MARCHF5: variants seen among roughly 807,000 people sequenced by gnomAD.
MARCHF5 encodes membrane associated ring-CH-type finger 5, also known as E3 ubiquitin-protein ligase MARCHF5.
In MARCHF5, 5 loss-of-function variants were observed where a neutral mutation model predicts 36.5. The observed-to-expected ratio is 0.14, with a 90% CI of 0.07 to 0.29. The LOEUF (loss-of-function observed/expected upper bound fraction) is 0.29, where lower values mean the gene tolerates loss of function less well. MARCHF5 is among the 10% of genes least tolerant of loss of function. The probability of loss-of-function intolerance (pLI) is 1.00; values close to 1 mark genes in which losing one functional copy is unlikely to be tolerated. For missense variants in MARCHF5, 179 were observed against 336.3 expected (o/e 0.53, Z 3.66); for synonymous variants, 103 against 109.9 (o/e 0.94, Z 0.39).
chr10:92,325,910 C>T (rs1277252899), intron 2 of MARCHF5, among the ~76,000 whole-genome samples: 2 of 152,212 alleles, frequency 1.3e-5, no homozygotes, highest in African/African-American at 4.8e-5. Context: ...AACTCCTGAT[C>T]TCCAGTGATC....
rs1564955003 is a variant in MARCHF5, at chr10:92,347,532, T to TAGATAGATAG, written c.370-1816_370-1815insGATAGATAGA. On this transcript the variant is annotated intron_variant, in intron 3 of 5. Coordinates refer to ENST00000358935, the MANE Select transcript of MARCHF5 (RefSeq NM_017824.5). ...TAGATAGATAGATAGATGATAGATA[T>TAGATAGATAG]ATAGATAGATAGATAGATAGATAGA... 4.4e-3 allele frequency among the ~76,000 whole-genome samples: 524 copies of TAGATAGATAG among 119,824 alleles called. 5 individuals carry two copies. The highest frequency in any genetic ancestry group is 9.4e-3 in the East Asian group (40 of 4,258). The allele number at this position is 119,824 out of a possible 152,430, so 78.6% of individuals were successfully genotyped here.
At chr10:92,329,198 G>A (rs1843407883) in intron 2 of MARCHF5, among the ~76,000 whole-genome samples, 1 of 152,142 alleles carries the variant, frequency 6.6e-6, no homozygotes, top group African/African-American at 2.4e-5. Flanking sequence ...TCCTGCCACA[G>A]GTGCTGAATC....
intron 1 of MARCHF5, among the ~76,000 whole-genome samples, chr10:92,303,426 T>C (rs999053112): frequency 2.0e-5 from 3 of 152,230 alleles, no homozygotes; most frequent in Non-Finnish European, 2.9e-5. Flanking sequence ...TTTCCTTTTC[T>C]TGAAACCTCA....
chr10:92,318,426 C>CA (rs397845333), intron 2 of MARCHF5, among the ~76,000 whole-genome samples: 183 of 124,600 alleles, frequency 1.5e-3, no homozygotes, highest in East Asian at 4.5e-3. Flanking sequence ...GACCCTGTCT[C>CA]AAAAAAAAAA....
intron 2 of MARCHF5, among the ~76,000 whole-genome samples, chr10:92,315,573 T>G (rs1035425431): frequency 6.6e-6 from 1 of 152,218 alleles, no homozygotes; most frequent in Non-Finnish European, 1.5e-5. Context: ...CACAATACGG[T>G]GGGAACAAGG....
intron 1 of MARCHF5, among the ~76,000 whole-genome samples, chr10:92,298,041 T>C (rs546207234): frequency 3.9e-5 from 6 of 152,138 alleles, no homozygotes. Flanking sequence ...CTACAAAAAA[T>C]ACAAACATTA....
chr10:92,293,753 G>A (rs1349894163), intron 1 of MARCHF5, among the ~76,000 whole-genome samples: 1 of 151,928 alleles, frequency 6.6e-6, no homozygotes, highest in Non-Finnish European at 1.5e-5. Flanking sequence ...TTGTACTCCA[G>A]CCTGAGTGAC....
At chr10:92,341,890 A>C (rs1161101476) in intron 3 of MARCHF5, among the ~76,000 whole-genome samples, 1 of 146,686 alleles carries the variant, frequency 6.8e-6, no homozygotes, top group Non-Finnish European at 1.5e-5. Context: ...TCCTGGGCTC[A>C]GTCATCTGTC....
intron 2 of MARCHF5, among the ~76,000 whole-genome samples, chr10:92,335,971 G>A (rs1843497594): frequency 6.6e-6 from 1 of 152,238 alleles, no homozygotes; most frequent in Non-Finnish European, 1.5e-5. Flanking sequence ...ATTGAGAGTA[G>A]TAGGAACTTG....
chr10:92,324,394 C>G (rs879617429), intron 2 of MARCHF5, among the ~76,000 whole-genome samples: 4 of 152,170 alleles, frequency 2.6e-5, no homozygotes, highest in Non-Finnish European at 5.9e-5. Flanking sequence ...CGGAGTCTCA[C>G]TCTGTTGCCC....
chr10:92,350,563 A>G (rs1843704268), intron 5 of MARCHF5, among the ~76,000 whole-genome samples: 1 of 152,186 alleles, frequency 6.6e-6, no homozygotes, highest in South Asian at 2.1e-4. Flanking sequence ...GCGAGACTGC[A>G]TCATTTGAAC....
At chr10:92,322,467 C>T in intron 2 of MARCHF5, among the ~76,000 whole-genome samples, 1 of 139,190 alleles carries the variant, frequency 7.2e-6, no homozygotes, top group African/African-American at 2.7e-5. Context: ...TGAGACAGGG[C>T]CTCACTCTGT....
intron 1 of MARCHF5, among the ~76,000 whole-genome samples, chr10:92,298,987 T>C (rs1435852853): frequency 1.3e-5 from 2 of 151,894 alleles, no homozygotes; most frequent in Non-Finnish European, 2.9e-5. Flanking sequence ...TTAAACTTTT[T>C]TTTTTTTGGT....
chr10:92,310,907 A>G (rs1193840779), intron 1 of MARCHF5, among the ~76,000 whole-genome samples: 1 of 152,254 alleles, frequency 6.6e-6, no homozygotes, highest in East Asian at 1.9e-4. Flanking sequence ...ACATAAAAAC[A>G]AAGTTCAGAA....
At chr10:92,300,969 T>C (rs1379328641) in intron 1 of MARCHF5, among the ~76,000 whole-genome samples, 1 of 149,928 alleles carries the variant, frequency 6.7e-6, no homozygotes, top group Non-Finnish European at 1.5e-5. Context: ...CTTGGCTCAC[T>C]GCAGCCTCCG....
At chr10:92,337,031 A>G (rs1346567004) in intron 2 of MARCHF5, among the ~76,000 whole-genome samples, 1 of 151,698 alleles carries the variant, frequency 6.6e-6, no homozygotes, top group Non-Finnish European at 1.5e-5. Flanking sequence ...GCTGAAGCAG[A>G]GGACTGCTTG....
At chr10:92,349,231 C>A (rs1433680594) in intron 3 of MARCHF5, 118 bp from the exon 4 acceptor site, 3 of 756,114 alleles carry the variant, frequency 4.0e-6, no homozygotes, top group Non-Finnish European at 6.2e-6. Context: ...ATTTTTTAAA[C>A]TTTTTATTTC....
chr10:92,296,219 A>G (rs564618539), intron 1 of MARCHF5, among the ~76,000 whole-genome samples: 4 of 152,174 alleles, frequency 2.6e-5, no homozygotes, highest in Non-Finnish European at 4.4e-5. Flanking sequence ...TTTATAAACT[A>G]TAAGTGTTTT....
At chr10:92,309,617 G>A (rs1177662236) in intron 1 of MARCHF5, among the ~76,000 whole-genome samples, 2 of 151,834 alleles carry the variant, frequency 1.3e-5, no homozygotes, top group Non-Finnish European at 2.9e-5. Context: ...TCAGTTGTGG[G>A]GAAAAATATA....
Sources: allele counts gnomAD v4.1 joint callset (sites outside exome capture counted in the v4.1 genomes callset), GRCh38; gene constraint gnomAD v4.1.1; transcripts MANE v1.5; gene names NCBI Gene and HGNC (gene_info 2026-07-23, HGNC 2026-07-21).